The following MCTP2 variants were observed in gnomAD, a reference collection of about 807,000 sequenced individuals.
MCTP2 encodes multiple C2 and transmembrane domain-containing protein 2.
In MCTP2, 132 loss-of-function variants were observed where a neutral mutation model predicts 111.6. That is an observed-to-expected ratio of 1.18 (90% CI 1.03 to 1.37). The LOEUF (loss-of-function observed/expected upper bound fraction) is 1.37. Among genes scored for constraint, MCTP2 ranks in the 40% most tolerant of loss-of-function variants. MCTP2 has a pLI of 0.00. For synonymous variants in MCTP2, 395 were observed against 387.7 expected (o/e 1.02, Z -0.22); for missense variants, 1,183 against 1,067.9 (o/e 1.11, Z -1.50).
chr15:94,355,135 A>G (rs1447554320), intron 8 of MCTP2, among the ~76,000 whole-genome samples: 3 of 152,248 alleles, frequency 2.0e-5, no homozygotes, highest in African/African-American at 4.8e-5. Context: ...TGAGACCATC[A>G]GGGAAATGTG....
chr15:94,361,695 T>A (rs1229652054), intron 10 of MCTP2, among the ~76,000 whole-genome samples: 1 of 152,214 alleles, frequency 6.6e-6, no homozygotes, highest in African/African-American at 2.4e-5. Flanking sequence ...TCAATGTATT[T>A]TTTTCCTCCA....
At chr15:94,231,723 C>T (rs1306109467) in intron 1 of MCTP2, 59 bp downstream of exon 1, 1 of 152,806 alleles carries the variant, frequency 6.5e-6, no homozygotes, top group Non-Finnish European at 1.5e-5. Flanking sequence ...ACGGTCGCCG[C>T]CTGGGGGTGG....
At chr15:94,456,191 C>CT (rs1311430951) in intron 19 of MCTP2, among the ~76,000 whole-genome samples, 1 of 152,098 alleles carries the variant, frequency 6.6e-6, no homozygotes, top group Admixed American at 6.5e-5. Flanking sequence ...ACTCTTTAGC[C>CT]TAGTCTTTGG....
intron 1 of MCTP2, among the ~76,000 whole-genome samples, chr15:94,240,500 A>G (rs781207328): frequency 6.6e-6 from 1 of 152,070 alleles, no homozygotes; most frequent in Non-Finnish European, 1.5e-5. Context: ...AAATTCCTCT[A>G]CCTCCTGAGT....
In MCTP2 at chr15:94,298,403, C is replaced by T. The variant is rs2075374012; in HGVS notation, c.138C>T (p.Arg46=). 6.2e-7 allele frequency: 1 copy of T among 1,614,208 alleles called. No individual in the cohort carries two copies. Among genetic ancestry groups the T allele is most frequent in the Non-Finnish European group, 8.5e-7 (1 of 1,180,030 alleles). ...PDLRARHHLD[R]RLSLSVPDLL... is the part of the protein sequence containing the mutation. ...TACGGGCAAGGCATCACTTGGACCGCCGTCTCAGCCTCTCTGTGCCTGATC... is the reference window on the plus strand; with the variant it reads ...TACGGGCAAGGCATCACTTGGACCGTCGTCTCAGCCTCTCTGTGCCTGATC... Residue 46 remains arginine (R), a synonymous_variant, in exon 2 of 23, where the codon CGC becomes CGT. Transcript: ENST00000357742.
intron 1 of MCTP2, among the ~76,000 whole-genome samples, chr15:94,236,385 T>TC (rs1255202845): frequency 1.7e-5 from 2 of 120,416 alleles, no homozygotes; most frequent in Admixed American, 8.3e-5. Context: ...TTCTTTTTTT[T>TC]TTTTTTTTTT....
At chr15:94,450,255 C>T (rs542632921) in intron 19 of MCTP2, among the ~76,000 whole-genome samples, 2 of 152,346 alleles carry the variant, frequency 1.3e-5, no homozygotes, top group East Asian at 3.9e-4. Context: ...AAAAGAACTA[C>T]TTGAGAAAGA....
intron 19 of MCTP2, among the ~76,000 whole-genome samples, chr15:94,443,372 C>T (rs1222201948): frequency 6.6e-6 from 1 of 152,208 alleles, no homozygotes; most frequent in African/African-American, 2.4e-5. Flanking sequence ...CTGTTCCTGG[C>T]AGCGTTTTCA....
chr15:94,329,582 G>A (rs574491440), intron 4 of MCTP2, among the ~76,000 whole-genome samples: 1 of 152,050 alleles, frequency 6.6e-6, no homozygotes, highest in Non-Finnish European at 1.5e-5. Context: ...TTGAGAATTC[G>A]CTCACTGTCA....
intron 19 of MCTP2, among the ~76,000 whole-genome samples, chr15:94,450,040 T>A (rs979403637): frequency 1.3e-5 from 2 of 152,126 alleles, no homozygotes; most frequent in African/African-American, 4.8e-5. Context: ...TATCTTCCTA[T>A]TGAGCTGACT....
At chr15:94,476,579 T>A (rs993989570) in intron 21 of MCTP2, 117 bp from the exon 22 acceptor site, 2 of 675,798 alleles carry the variant, frequency 3.0e-6, no homozygotes, top group Non-Finnish European at 5.0e-6. Context: ...TGAAGATAGA[T>A]GCTAGATAGA....
intron 20 of MCTP2, among the ~76,000 whole-genome samples, chr15:94,465,620 C>A (rs2073209948): frequency 6.6e-6 from 1 of 152,214 alleles, no homozygotes; most frequent in South Asian, 2.1e-4. Flanking sequence ...TTCAACCTGT[C>A]TTTTTGTTTC....
intron 14 of MCTP2, among the ~76,000 whole-genome samples, chr15:94,391,924 A>T (rs1489044159): frequency 3.9e-5 from 6 of 152,180 alleles, no homozygotes; most frequent in African/African-American, 1.4e-4. Flanking sequence ...ACATGGATTC[A>T]AAGAGTAAAA....
At chr15:94,423,116 T>C (rs961143190) in intron 17 of MCTP2, among the ~76,000 whole-genome samples, 1 of 152,214 alleles carries the variant, frequency 6.6e-6, no homozygotes, top group African/African-American at 2.4e-5. Flanking sequence ...TCTACAAAGA[T>C]AATTAGTGAA....
chr15:94,383,477 T>C (rs1261835230), intron 12 of MCTP2, among the ~76,000 whole-genome samples: 2 of 152,144 alleles, frequency 1.3e-5, no homozygotes, highest in Non-Finnish European at 2.9e-5. Context: ...TGCTGATAAA[T>C]ACATACCTGA....
intron 1 of MCTP2, among the ~76,000 whole-genome samples, chr15:94,277,757 A>C (rs2074287696): frequency 6.6e-6 from 1 of 152,184 alleles, no homozygotes; most frequent in Non-Finnish European, 1.5e-5. Flanking sequence ...TAAATACAGG[A>C]CATTATATGT....
At chr15:94,438,880 C>G (rs954315718) in intron 17 of MCTP2, among the ~76,000 whole-genome samples, 1 of 152,030 alleles carries the variant, frequency 6.6e-6, no homozygotes, top group Non-Finnish European at 1.5e-5. Context: ...ACGAATTAAA[C>G]AGTGATATCC....
chr15:94,387,605 T>G (rs554610144), intron 14 of MCTP2, among the ~76,000 whole-genome samples: 1 of 152,222 alleles, frequency 6.6e-6, no homozygotes, highest in African/African-American at 2.4e-5. Context: ...ATTCATCAAG[T>G]GTCCACTTGG....
At chr15:94,272,303 G>C (rs1050718478) in intron 1 of MCTP2, among the ~76,000 whole-genome samples, 7 of 152,186 alleles carry the variant, frequency 4.6e-5, no homozygotes, top group African/African-American at 1.7e-4. Flanking sequence ...AAGGAAGTGT[G>C]TGTGGGTGTG....
Sources: gnomAD v4.1 joint callset for allele counts (sites outside exome capture counted in the v4.1 genomes callset) on GRCh38, gnomAD v4.1.1 for gene constraint, MANE v1.5 for transcripts, NCBI Gene and HGNC (gene_info 2026-07-23, HGNC 2026-07-21) for gene names.